ALMS1: variants seen among roughly 807,000 people sequenced by gnomAD.
ALMS1 encodes centrosome-associated protein ALMS1.
Under a neutral mutation model 352.2 loss-of-function variants are expected in ALMS1, and 271 were observed. That is an observed-to-expected ratio of 0.77 (90% confidence interval 0.70 to 0.85). ALMS1 has a LOEUF of 0.85. Among genes scored for constraint, ALMS1 ranks in the 40% least tolerant of loss-of-function variants. ALMS1 has a pLI of 0.00. For synonymous variants in ALMS1, 1,865 were observed against 1,761.2 expected (o/e 1.06, Z -1.48); for missense variants, 5,445 against 4,870.7 (o/e 1.12, Z -3.51).
intron 16 of ALMS1, among the ~76,000 whole-genome samples, chr2:73,579,529 T>G (rs1194450351): frequency 6.6e-6 from 1 of 151,732 alleles, no homozygotes; most frequent in South Asian, 2.1e-4. Flanking sequence ...CCCAGCTAAT[T>G]TTTGTATTTT....
intron 16 of ALMS1, among the ~76,000 whole-genome samples, chr2:73,579,247 A>G (rs1175980093): frequency 3.3e-5 from 5 of 151,028 alleles, no homozygotes; most frequent in Non-Finnish European, 7.4e-5. Flanking sequence ...TTTAGTAGAG[A>G]TGGGGTTTCA....
chr2:73,533,451 T>A (rs1041814577), intron 11 of ALMS1, among the ~76,000 whole-genome samples: 1 of 152,212 alleles, frequency 6.6e-6, no homozygotes, highest in Admixed American at 6.5e-5. Flanking sequence ...CATTTCTGGG[T>A]CTAGAGTAAC....
At chr2:73,580,949 C>G (rs1268982356) in intron 16 of ALMS1, among the ~76,000 whole-genome samples, 1 of 152,212 alleles carries the variant, frequency 6.6e-6, no homozygotes, top group African/African-American at 2.4e-5. Context: ...TCGGACACTC[C>G]TTCAATGCTT....
At position 73,554,472 on chromosome 2, in the gene ALMS1, A is replaced by G. The variant is rs181050175; in HGVS notation, c.10079-2748A>G. 8.0e-3 allele frequency among the ~76,000 whole-genome samples: 1,213 copies of G among 152,014 alleles called. 14 individuals are homozygous for G. The highest frequency in any genetic ancestry group is 0.028 in the African/African-American group (1,161 of 41,460). On this transcript the variant is annotated intron_variant, in intron 13 of 22. Coordinates refer to ENST00000613296, the MANE Select transcript of ALMS1 (RefSeq NM_001378454.1). The stretch of plus-strand genomic sequence containing the variant: ...TGAAATCCCAGCAGTTTGGGGGGCC[A>G]AGGCGGGTGGATCACGAGGTCAGGA...
chr2:73,503,091 T>A (rs115438571), intron 10 of ALMS1, among the ~76,000 whole-genome samples: 1,740 of 152,204 alleles, frequency 0.011, 33 homozygotes, highest in African/African-American at 0.039. Flanking sequence ...TAATGTCTTT[T>A]TTTTTATTTT....
chr2:73,533,764 A>C (rs1346124506), intron 11 of ALMS1, among the ~76,000 whole-genome samples: 1 of 152,196 alleles, frequency 6.6e-6, no homozygotes, highest in Non-Finnish European at 1.5e-5. Flanking sequence ...TTAAAATGAG[A>C]TTCCATTTAC....
At chr2:73,589,019 AT>A (rs1675366792) in intron 16 of ALMS1, among the ~76,000 whole-genome samples, 1 of 152,148 alleles carries the variant, frequency 6.6e-6, no homozygotes, top group African/African-American at 2.4e-5. Flanking sequence ...GTGTATATAT[AT>A]ATACGTATAC....
intron 1 of ALMS1, among the ~76,000 whole-genome samples, chr2:73,392,409 GTCA>G (rs1193449835): frequency 1.3e-5 from 2 of 151,890 alleles, no homozygotes. Context: ...GCACAATTCA[GTCA>G]TTTTCTGTAT....
At chr2:73,562,131 G>T (rs1674677023) in intron 15 of ALMS1, among the ~76,000 whole-genome samples, 1 of 151,458 alleles carries the variant, frequency 6.6e-6, no homozygotes, top group African/African-American at 2.4e-5. Flanking sequence ...AGGAAGAATG[G>T]AACTTACAAT....
At chr2:73,488,456 G>A (rs1385686789) in intron 9 of ALMS1, among the ~76,000 whole-genome samples, 1 of 152,208 alleles carries the variant, frequency 6.6e-6, no homozygotes, top group African/African-American at 2.4e-5. Context: ...AGGGGCAGGG[G>A]GAGTTCCCAG....
At chr2:73,414,648 A>T (rs1191258557) in intron 2 of ALMS1, among the ~76,000 whole-genome samples, 1 of 151,932 alleles carries the variant, frequency 6.6e-6, no homozygotes. Flanking sequence ...GGTACGATAA[A>T]TAGCATTTGA....
At chr2:73,424,944 GATAAAA>G (rs1671352133) in intron 5 of ALMS1, 42 bp downstream of exon 5, 3 of 1,508,136 alleles carry the variant, frequency 2.0e-6, no homozygotes, top group Non-Finnish European at 2.7e-6. Context: ...TGACACAATT[GATAAAA>G]ATAAAATTCC....
intron 21 of ALMS1, chr2:73,603,633 G>C (rs1675749689): frequency 2.9e-6 from 1 of 347,894 alleles, no homozygotes. Context: ...GCCGAGGTGT[G>C]CAGATCACAT....
intron 20 of ALMS1, among the ~76,000 whole-genome samples, 156 bp downstream of exon 20, chr2:73,602,524 T>A (rs1181378083): frequency 6.6e-6 from 1 of 152,174 alleles, no homozygotes; most frequent in African/African-American, 2.4e-5. Context: ...GCTAGCAGAA[T>A]CTCCCCAACT....
At chr2:73,418,385 A>G (rs888032379) in intron 2 of ALMS1, among the ~76,000 whole-genome samples, 4 of 152,208 alleles carry the variant, frequency 2.6e-5, no homozygotes, top group Non-Finnish European at 5.9e-5. Context: ...AATTCAGTCA[A>G]GTGAATTCCC....
chr2:73,392,260 ATGTGTGTGTG>A (rs60487895), intron 1 of ALMS1, among the ~76,000 whole-genome samples: 21 of 146,356 alleles, frequency 1.4e-4, no homozygotes, highest in East Asian at 8.0e-4. Context: ...GTTTACTTTG[ATGTGTGTGTG>A]TGTGTGTGTG....
intron 9 of ALMS1, among the ~76,000 whole-genome samples, chr2:73,465,804 C>G (rs1476160242): frequency 6.6e-6 from 1 of 151,888 alleles, no homozygotes; most frequent in African/African-American, 2.4e-5. Flanking sequence ...AAAAAACAAC[C>G]CCATCAAAAA....
chr2:73,467,688 A>G lies in ALMS1; in HGVS notation c.7674+12393A>G, dbSNP rs535382786. On this transcript the variant is annotated intron_variant, in intron 9 of 22. Coordinates refer to ENST00000613296, the MANE Select transcript of ALMS1 (RefSeq NM_001378454.1). ...TAGCCCCAAACTGAAAACTACATAA[A>G]TGTATATCAAGAGTAGAATAGATGA... Among the ~76,000 whole-genome samples, 64 of 152,186 alleles carry G rather than the reference A, an allele frequency of 4.2e-4. 1 individual carries two copies. The highest frequency in any genetic ancestry group is 4.1e-3 in the South Asian group (20 of 4,824).
intron 10 of ALMS1, among the ~76,000 whole-genome samples, chr2:73,497,636 T>C (rs1343905689): frequency 1.3e-5 from 2 of 152,146 alleles, no homozygotes; most frequent in Non-Finnish European, 2.9e-5. Flanking sequence ...TGTCGTTGGT[T>C]GATGGGCACT....
Sources: allele counts gnomAD v4.1 joint callset (sites outside exome capture counted in the v4.1 genomes callset), GRCh38; gene constraint gnomAD v4.1.1; transcripts MANE v1.5; gene names NCBI Gene and HGNC (gene_info 2026-07-23, HGNC 2026-07-21).